Variants in PPP1R9A observed in about 807,000 individuals in gnomAD.
The protein encoded by PPP1R9A is neurabin-1.
PPP1R9A carries 59 observed loss-of-function variants against 141.9 expected under a neutral mutation model. The observed-to-expected ratio is 0.42, with a 90% confidence interval of 0.34 to 0.52. The LOEUF is 0.52. PPP1R9A is among the 20% of genes least tolerant of loss of function. The probability of loss-of-function intolerance (pLI) is 0.10; values close to 1 mark genes in which losing one functional copy is unlikely to be tolerated. For missense variants in PPP1R9A, 1,444 were observed against 1,611.9 expected (o/e 0.90, Z 1.78); for synonymous variants, 500 against 569.7 (o/e 0.88, Z 1.74).
chr7:95,107,776 G>A (rs1394307413), intron 2 of PPP1R9A, among the ~76,000 whole-genome samples: 1 of 151,980 alleles, frequency 6.6e-6, no homozygotes, highest in Admixed American at 6.6e-5. Context: ...TAGTTTTCAC[G>A]AAAAATGTAG....
intron 4 of PPP1R9A, among the ~76,000 whole-genome samples, chr7:95,148,447 C>T (rs1322527302): frequency 2.6e-5 from 4 of 151,936 alleles, no homozygotes; most frequent in Admixed American, 6.6e-5. Flanking sequence ...AGTTTGACAA[C>T]CAAGATGAAA....
intron 7 of PPP1R9A, among the ~76,000 whole-genome samples, chr7:95,213,320 CTTT>C (rs548473436): frequency 3.1e-5 from 4 of 129,120 alleles, no homozygotes; most frequent in Admixed American, 8.1e-5. Flanking sequence ...CTTTCTCTTT[CTTT>C]TTTTTTTTTT....
At chr7:95,231,718 A>G (rs1056844722) in intron 8 of PPP1R9A, among the ~76,000 whole-genome samples, 15 of 152,154 alleles carry the variant, frequency 9.9e-5, no homozygotes, top group Admixed American at 9.8e-4. Context: ...ACAACCTGTC[A>G]AAACCTCTGG....
chr7:95,058,444 T>A (rs1322311680), intron 2 of PPP1R9A, among the ~76,000 whole-genome samples: 4 of 152,054 alleles, frequency 2.6e-5, no homozygotes, highest in Non-Finnish European at 5.9e-5. Context: ...TAAATGAGAC[T>A]AAAGGGGAGA....
At chr7:95,211,311 A>G (rs1298417656) in intron 7 of PPP1R9A, among the ~76,000 whole-genome samples, 1 of 152,204 alleles carries the variant, frequency 6.6e-6, no homozygotes, top group Non-Finnish European at 1.5e-5. Flanking sequence ...TAGAAATGAC[A>G]GATTCCAGAA....
At chr7:95,152,388 A>C (rs909557794) in intron 4 of PPP1R9A, among the ~76,000 whole-genome samples, 1 of 152,188 alleles carries the variant, frequency 6.6e-6, no homozygotes, top group African/African-American at 2.4e-5. Context: ...GTAAAGATCC[A>C]TGCATTCTTC....
At chr7:95,187,592 T>C (rs1286768152) in intron 5 of PPP1R9A, among the ~76,000 whole-genome samples, 1 of 152,162 alleles carries the variant, frequency 6.6e-6, no homozygotes. Context: ...AGTTGTGTCC[T>C]TAGATTGTCT....
At chr7:95,013,419 A>G (rs1381883851) in intron 2 of PPP1R9A, among the ~76,000 whole-genome samples, 2 of 152,028 alleles carry the variant, frequency 1.3e-5, no homozygotes, top group African/African-American at 4.8e-5. Context: ...TCCATGGACT[A>G]TCATTTTTTA....
At chr7:95,088,973 G>A (rs1296489584) in intron 2 of PPP1R9A, among the ~76,000 whole-genome samples, 1 of 151,870 alleles carries the variant, frequency 6.6e-6, no homozygotes, top group Non-Finnish European at 1.5e-5. Flanking sequence ...AACTCCCCTC[G>A]TTTTTACAGA....
At chr7:95,187,938 C>G (rs909453965) in intron 5 of PPP1R9A, among the ~76,000 whole-genome samples, 2 of 151,878 alleles carry the variant, frequency 1.3e-5, no homozygotes, top group South Asian at 2.1e-4. Flanking sequence ...GGTCTATCTT[C>G]GAGAATTTTC....
rs191083635 is a variant in PPP1R9A at position 94,971,409 on chromosome 7, G to A, written c.1395+59901G>A. Among the ~76,000 whole-genome samples the A allele has an allele frequency of 1.6e-4, 24 of 152,240 alleles. No individual in the cohort carries two copies. In the South Asian group the frequency reaches 4.6e-3, roughly 29 times the overall value. ...TGACCAAGCAAGAAAAGACTGCAAC[G>A]CTTTTTTTCTTTATTACCCATGGCC... is the stretch of plus-strand genomic sequence containing the variant. On this transcript the variant is annotated intron_variant, in intron 2 of 19. Coordinates refer to ENST00000433360, the MANE Select transcript of PPP1R9A (RefSeq NM_001166160.2).
At chr7:95,003,084 C>CT (rs1179492363) in intron 2 of PPP1R9A, among the ~76,000 whole-genome samples, 1 of 151,876 alleles carries the variant, frequency 6.6e-6, no homozygotes, top group Non-Finnish European at 1.5e-5. Flanking sequence ...AGAAAATTGC[C>CT]TTTTTTAAAA....
At chr7:95,003,559 G>C (rs1803221022) in intron 2 of PPP1R9A, among the ~76,000 whole-genome samples, 1 of 152,168 alleles carries the variant, frequency 6.6e-6, no homozygotes, top group South Asian at 2.1e-4. Flanking sequence ...TAATATTTAT[G>C]TAACTTTTTG....
At chr7:94,949,276 C>G (rs1796208482) in intron 2 of PPP1R9A, among the ~76,000 whole-genome samples, 1 of 151,994 alleles carries the variant, frequency 6.6e-6, no homozygotes, top group Admixed American at 6.6e-5. Flanking sequence ...CTCTCATATG[C>G]CTTTTGGTTT....
At chr7:95,158,198 A>G (rs181819112) in intron 4 of PPP1R9A, among the ~76,000 whole-genome samples, 19 of 152,338 alleles carry the variant, frequency 1.2e-4, no homozygotes, top group African/African-American at 4.1e-4. Flanking sequence ...ATATTGCACT[A>G]CTTAACTCTG....
At chr7:94,985,656 AT>A (rs984719478) in intron 2 of PPP1R9A, among the ~76,000 whole-genome samples, 2 of 149,164 alleles carry the variant, frequency 1.3e-5, no homozygotes, top group East Asian at 2.0e-4. Context: ...TCCTGCTTTT[AT>A]TTTTTTTTGC....
chr7:95,157,903 G>C (rs549792258), intron 4 of PPP1R9A, among the ~76,000 whole-genome samples: 1 of 152,068 alleles, frequency 6.6e-6, no homozygotes, highest in Non-Finnish European at 1.5e-5. Flanking sequence ...CTCCCCAAGG[G>C]AATCTTTAAA....
chr7:94,956,326 A>C (rs2151081873), intron 2 of PPP1R9A, among the ~76,000 whole-genome samples: 1 of 152,206 alleles, frequency 6.6e-6, no homozygotes, highest in Admixed American at 6.5e-5. Context: ...CTAAACAAAA[A>C]CCTGCGTGCC....
chr7:95,143,726 T>A (rs1463679683), intron 4 of PPP1R9A, among the ~76,000 whole-genome samples: 1 of 152,184 alleles, frequency 6.6e-6, no homozygotes, highest in Non-Finnish European at 1.5e-5. Context: ...CCTGGGCTGG[T>A]ACTTCCTGGG....
Sources: gnomAD v4.1 joint callset for allele counts (sites outside exome capture counted in the v4.1 genomes callset) on GRCh38, gnomAD v4.1.1 for gene constraint, MANE v1.5 for transcripts, NCBI Gene and HGNC (gene_info 2026-07-23, HGNC 2026-07-21) for gene names.